TMEM143: variants seen among roughly 807,000 people sequenced by gnomAD.
TMEM143 encodes the protein transmembrane protein 143.
In TMEM143, 45 loss-of-function variants were observed where a neutral mutation model predicts 40.3. The ratio of observed to expected loss-of-function variants is 1.12; its 90% CI spans 0.88 to 1.43. The LOEUF (loss-of-function observed/expected upper bound fraction) is 1.43, where lower values mean the gene tolerates loss of function less well. TMEM143 is among the 40% of genes most tolerant of loss of function. The probability of loss-of-function intolerance (pLI) is 0.00; values close to 1 mark genes in which losing one functional copy is unlikely to be tolerated. For missense variants in TMEM143, 620 were observed against 613.4 expected (o/e 1.01, Z -0.11); for synonymous variants, 299 against 282.7 (o/e 1.06, Z -0.58).
In TMEM143 at chr19:48,333,713, G is replaced by T. The variant is rs1472762347; in HGVS notation, c.1166-280C>A. The stretch of plus-strand genomic sequence containing the variant: ...AGGGGACCACCTGGAGCCCACACAG[G>T]GAGCGCGCAGGATCTCTTGTAGGGA... On this transcript the variant is annotated intron_variant, in intron 7 of 7. Transcript: ENST00000293261. This position sits in a 1 kb window ranked among gnomAD's most constrained non-coding sequence, Gnocchi z 4.1. 1.1e-4 allele frequency among the ~76,000 whole-genome samples: 16 copies of T among 152,168 alleles called. No homozygotes were observed. The South Asian group carries it at 2.1e-3, about 20-fold the overall frequency.
chr19:48,354,545 G>A (rs1411022411), intron 3 of TMEM143, among the ~76,000 whole-genome samples: 3 of 152,082 alleles, frequency 2.0e-5, no homozygotes, highest in African/African-American at 7.2e-5. Context: ...AATAACAAGC[G>A]TGAGTCACTG....
intron 3 of TMEM143, among the ~76,000 whole-genome samples, chr19:48,359,652 G>GC (rs546932810): frequency 0.016 from 2,393 of 151,574 alleles, 66 homozygotes; most frequent in African/African-American, 0.053. Context: ...AACTACAGTC[G>GC]CCCCCCACCA....
Position 48,343,328 on chromosome 19 carries a change from C to T in TMEM143, c.688G>A (p.Ala230Thr). Residue 230 changes from alanine to threonine, a missense_variant, in exon 5 of 8, where the codon GCG (alanine) becomes ACG (threonine). Physicochemically the swap from Ala to Thr is moderately conservative, Grantham distance 58. Coordinates refer to ENST00000293261, the MANE Select transcript of TMEM143 (RefSeq NM_018273.4). ...RRGFFTKLPPAERRYFKRVVL... is the reference protein window; with the variant it reads ...RRGFFTKLPPTERRYFKRVVL... ...GAACAAGGGCCGCCTCACCTCTCCGCAGGGGGCAGCTTGGTGAAGAAGCCA... is the reference window on the plus strand; with the variant it reads ...GAACAAGGGCCGCCTCACCTCTCCGTAGGGGGCAGCTTGGTGAAGAAGCCA... 1 of 1,610,614 alleles carries T rather than the reference C, an allele frequency of 6.2e-7. No individual in the cohort carries two copies. Among genetic ancestry groups the T allele is most frequent in the Non-Finnish European group, 8.5e-7 (1 of 1,179,216 alleles).
At chr19:48,347,435 C>T (rs1448523642) in intron 3 of TMEM143, among the ~76,000 whole-genome samples, 1 of 152,068 alleles carries the variant, frequency 6.6e-6, no homozygotes, top group Non-Finnish European at 1.5e-5. Flanking sequence ...ATTCAAAGGC[C>T]GGCACAGTGG....
chr19:48,346,166 A>T (rs1969627466), intron 3 of TMEM143, among the ~76,000 whole-genome samples: 1 of 151,178 alleles, frequency 6.6e-6, no homozygotes. Flanking sequence ...ATCTCAGCTC[A>T]CTGCAACCTC....
At chr19:48,337,482 G>A (rs1194122059) in intron 6 of TMEM143, among the ~76,000 whole-genome samples, 1 of 152,002 alleles carries the variant, frequency 6.6e-6, no homozygotes, top group Non-Finnish European at 1.5e-5. Context: ...AGGAGGCAGA[G>A]GTTGCAGTGA....
At position 48,333,017 on chromosome 19, in the gene TMEM143, C is replaced by T; in HGVS notation, c.*202G>A. 1 of 407,218 alleles carries T rather than the reference C, an allele frequency of 2.5e-6. No individual in the cohort carries two copies. 25.2% of individuals were successfully genotyped at this position (407,218 alleles called of 1,614,324 possible). A position where few individuals can be genotyped will look rare whatever the true frequency, so the allele number is the denominator to read the frequency against. On this transcript the variant is annotated 3_prime_UTR_variant, in exon 8 of 8. Coordinates refer to ENST00000293261, the MANE Select transcript of TMEM143 (RefSeq NM_018273.4). The surrounding 1 kb of genome is among the most constrained non-coding windows in gnomAD (Gnocchi z 4.1). ...AGCTAAATCGCTTTGATTGGCTGTT[C>T]ATCGAAGGGGCGGGGAAGACTTAAC...
At chr19:48,352,600 C>G (rs1278834338) in intron 3 of TMEM143, among the ~76,000 whole-genome samples, 1 of 151,514 alleles carries the variant, frequency 6.6e-6, no homozygotes, top group Non-Finnish European at 1.5e-5. Flanking sequence ...TATGGTGAAA[C>G]CCCGTCTCTA....
rs751804309 is a variant in TMEM143, at chr19:48,342,858, G to A, written c.696-49C>T. ...GAGCAGGATCGGGACTGCACTGCCCGGGGAGCCCCCTCCAATCCTAGGACG... is the reference window on the plus strand; with the variant it reads ...GAGCAGGATCGGGACTGCACTGCCCAGGGAGCCCCCTCCAATCCTAGGACG... On this transcript the variant is annotated intron_variant, in intron 5 of 7. Coordinates refer to ENST00000293261, the MANE Select transcript of TMEM143 (RefSeq NM_018273.4). 4.0e-5 allele frequency: 61 copies of A among 1,539,580 alleles called. No individual in the cohort carries two copies. In the Admixed American group the frequency reaches 1.0e-3, roughly 26 times the overall value.
At chr19:48,342,416 G>T in intron 6 of TMEM143, 114 bp downstream of exon 6, 2 of 1,303,186 alleles carry the variant, frequency 1.5e-6, no homozygotes, top group Non-Finnish European at 2.1e-6. Context: ...AAGGGAGGGA[G>T]GGAGGGAGGA....
At chr19:48,336,030 A>C (rs1969358749) in intron 6 of TMEM143, among the ~76,000 whole-genome samples, 2 of 152,162 alleles carry the variant, frequency 1.3e-5, no homozygotes, top group Admixed American at 1.3e-4. Flanking sequence ...CCCTCTTCTC[A>C]TCCTTGATAT....
chr19:48,334,001 G>T lies in TMEM143; in HGVS notation c.1165+7C>A, dbSNP rs775362052. The T allele has an allele frequency of 3.4e-5, 52 of 1,535,996 alleles. No homozygotes were observed. The highest frequency in any genetic ancestry group is 4.4e-5 in the Non-Finnish European group (50 of 1,143,108). On this transcript the variant is annotated splice_region_variant and intron_variant, in intron 7 of 7. Transcript: ENST00000293261. ...CCTGGGGGCAGGGTCCCAGGGCCAC[G>T]TCCTACCTTCGGGCGAGCCTTGAGT...
At chr19:48,346,443 C>A (rs1295742522) in intron 3 of TMEM143, among the ~76,000 whole-genome samples, 1 of 152,104 alleles carries the variant, frequency 6.6e-6, no homozygotes, top group Non-Finnish European at 1.5e-5. Context: ...ACTTGCTAAA[C>A]CCCTGAATCT....
rs1382807569 is a variant in TMEM143, at chr19:48,342,518, G to T, written c.975+12C>A. 6.3e-7 allele frequency: 1 copy of T among 1,594,688 alleles called. No individual in the cohort carries two copies. The highest frequency in any genetic ancestry group is 8.5e-7 in the Non-Finnish European group (1 of 1,172,848). On this transcript the variant is annotated intron_variant, in intron 6 of 7. Transcript: ENST00000293261. ...CGCAGGGCCGCAGGAGGCGTGGCAG[G>T]CGCATGCTCACCTTGGAGGCCCGCA...
chr19:48,342,640 C>T lies in TMEM143; in HGVS notation c.865G>A (p.Gly289Ser), dbSNP rs574511147. ...CCCACGTTGACGAAGATCGCCACGC[C>T]GGAGACTACCAGCATGAGGTTGAGC... is the stretch of plus-strand genomic sequence containing the variant. ...ALLNLMLVVS[G>S]VAIFVNVGMV... The change falls in exon 6 of 8, where the codon GGC becomes AGC. Residue 289 changes from glycine to serine, a missense_variant. Gly to Ser is a moderately conservative substitution (Grantham distance 56, BLOSUM62 0). Coordinates refer to ENST00000293261, the MANE Select transcript of TMEM143 (RefSeq NM_018273.4). The T allele has an allele frequency of 5.0e-5, 81 of 1,614,022 alleles. No individual in the cohort carries two copies. The South Asian group carries it at 8.3e-4, about 17-fold the overall frequency.
rs138171230 is a variant in TMEM143, at chr19:48,342,569, C to G, written c.936G>C (p.Leu312=). ...TDLKVATSLL[L]LLFAIFMGLR... is the part of the protein sequence containing the mutation. ...GGCCCATGAAGATGGCGAAGAGCAG[C>G]AGCAGCAGGGAGGTGGCCACCTTGA... The change falls in exon 6 of 8, where the codon CTG becomes CTC. Residue 312 remains leucine (L), a synonymous_variant. Coordinates refer to ENST00000293261, the MANE Select transcript of TMEM143 (RefSeq NM_018273.4). The G allele has an allele frequency of 6.2e-7, 1 of 1,612,454 alleles. No individual in the cohort carries two copies. Among genetic ancestry groups the G allele is most frequent in the Non-Finnish European group, 8.5e-7 (1 of 1,179,748 alleles).
intron 3 of TMEM143, among the ~76,000 whole-genome samples, chr19:48,356,967 C>T (rs1969917220): frequency 3.9e-5 from 5 of 127,094 alleles, no homozygotes; most frequent in African/African-American, 9.1e-5. Flanking sequence ...TGCAGTGGCG[C>T]GATCTCGGTT....
chr19:48,352,473 A>T (rs1211820874), intron 3 of TMEM143, among the ~76,000 whole-genome samples: 1 of 12,234 alleles, frequency 8.2e-5, no homozygotes, highest in East Asian at 7.1e-3. Context: ...ACAGTTAATT[A>T]AAAAAAAAAA....
At chr19:48,345,114 C>T (rs1490145122) in intron 4 of TMEM143, 46 bp downstream of exon 4, 2 of 1,597,322 alleles carry the variant, frequency 1.3e-6, no homozygotes, top group Non-Finnish European at 1.7e-6. Flanking sequence ...CTCTGCCCCA[C>T]CCTAGAGGCC....
Sources: allele counts gnomAD v4.1 joint callset (sites outside exome capture counted in the v4.1 genomes callset), GRCh38; gene constraint gnomAD v4.1.1; non-coding constraint Gnocchi (gnomAD v3.1); transcripts MANE v1.5; gene names NCBI Gene and HGNC (gene_info 2026-07-23, HGNC 2026-07-21).